ZCCHC7: variants seen among roughly 807,000 people sequenced by gnomAD.
The protein encoded by ZCCHC7 is zinc finger CCHC-type containing 7, also known as zinc finger CCHC domain-containing protein 7.
A neutral mutation model predicts 52.0 loss-of-function variants in ZCCHC7; 35 were observed. That is an observed-to-expected ratio of 0.67 (90% confidence interval 0.51 to 0.89). The LOEUF is 0.89. ZCCHC7 is among the 40% of genes least tolerant of loss of function. The probability of loss-of-function intolerance (pLI) is 0.00; values close to 1 mark genes in which losing one functional copy is unlikely to be tolerated. For missense variants in ZCCHC7, 574 were observed against 649.1 expected (o/e 0.88, Z 1.26); for synonymous variants, 217 against 221.5 (o/e 0.98, Z 0.18).
chr9:37,177,155 C>T (rs1424841364), intron 2 of ZCCHC7, among the ~76,000 whole-genome samples: 7 of 151,968 alleles, frequency 4.6e-5, no homozygotes, highest in Admixed American at 6.6e-5. Flanking sequence ...GCCTGGCCAA[C>T]GCAGTGAAAC....
chr9:37,296,414 T>C (rs1220175584), intron 2 of ZCCHC7, among the ~76,000 whole-genome samples: 1 of 152,234 alleles, frequency 6.6e-6, no homozygotes, highest in Non-Finnish European at 1.5e-5. Context: ...TTTCTACTTT[T>C]CCTTTTTTCT....
intron 2 of ZCCHC7, among the ~76,000 whole-genome samples, chr9:37,238,078 A>G (rs1825733075): frequency 6.6e-6 from 1 of 152,314 alleles, no homozygotes; most frequent in South Asian, 2.1e-4. Context: ...TGATGATCAG[A>G]AAACAGAAAT....
chr9:37,209,929 C>A (rs1327595759), intron 2 of ZCCHC7, among the ~76,000 whole-genome samples: 3 of 152,104 alleles, frequency 2.0e-5, no homozygotes, highest in Non-Finnish European at 2.9e-5. Flanking sequence ...TTGAATCCAC[C>A]AAGGACAGTT....
At chr9:37,132,943 C>G (rs188670455) in intron 2 of ZCCHC7, among the ~76,000 whole-genome samples, 2 of 152,154 alleles carry the variant, frequency 1.3e-5, no homozygotes, top group African/African-American at 4.8e-5. Flanking sequence ...TCGAGACTAG[C>G]CTGACCAACA....
intron 2 of ZCCHC7, among the ~76,000 whole-genome samples, chr9:37,255,016 A>T (rs191838224): frequency 6.6e-6 from 1 of 151,936 alleles, no homozygotes; most frequent in East Asian, 1.9e-4. Flanking sequence ...TTTATACTGT[A>T]GTCTACCCTT....
intron 1 of ZCCHC7, chr9:37,121,461 C>G (rs1588328190): frequency 6.6e-6 from 1 of 152,090 alleles, no homozygotes; most frequent in Non-Finnish European, 1.5e-5. Flanking sequence ...AAGCTCTTGA[C>G]TTTGTGGTTT....
intron 5 of ZCCHC7, among the ~76,000 whole-genome samples, chr9:37,323,865 C>G (rs575308488): frequency 6.6e-6 from 1 of 152,144 alleles, no homozygotes; most frequent in African/African-American, 2.4e-5. Flanking sequence ...CCAGTGATTA[C>G]CAAAGTATCG....
At chr9:37,169,418 C>T (rs553556799) in intron 2 of ZCCHC7, among the ~76,000 whole-genome samples, 4 of 152,150 alleles carry the variant, frequency 2.6e-5, no homozygotes, top group African/African-American at 4.8e-5. Flanking sequence ...AGATGTCATC[C>T]TTGAGATGTT....
At chr9:37,198,076 T>G (rs577588087) in intron 2 of ZCCHC7, among the ~76,000 whole-genome samples, 89 of 152,354 alleles carry the variant, frequency 5.8e-4, no homozygotes, top group African/African-American at 2.1e-3. Context: ...CTTTCAAATC[T>G]GATACCTCTT....
rs1821002462 is a variant in ZCCHC7 at position 37,159,867 on chromosome 9, T to G, written c.610+32925T>G. Among the ~76,000 whole-genome samples the G allele has an allele frequency of 4.6e-5, 7 of 152,204 alleles. No homozygotes were observed. In the South Asian group the frequency reaches 1.2e-3, roughly 27 times the overall value. ...TGAAAAATGGAATAAAGATAAAGAA[T>G]GTAGTGGTTAATCAAGAGTAACCTG... On this transcript the variant is annotated intron_variant, in intron 2 of 8. Coordinates refer to ENST00000336755, the MANE Select transcript of ZCCHC7 (RefSeq NM_032226.3).
intron 2 of ZCCHC7, among the ~76,000 whole-genome samples, chr9:37,288,284 AAAAAAAAAAATCTATCTATCT>A (rs1257536183): frequency 6.6e-6 from 1 of 151,416 alleles, no homozygotes; most frequent in African/African-American, 2.4e-5. Context: ...TGTCTCAAAA[AAAAAAAAAAATCTATCTATCT>A]ATCTATATAG....
chr9:37,310,345 T>G (rs1829532140), intron 5 of ZCCHC7, among the ~76,000 whole-genome samples: 1 of 152,210 alleles, frequency 6.6e-6, no homozygotes, highest in Non-Finnish European at 1.5e-5. Flanking sequence ...CTGTATACCT[T>G]TAGCTTGCAC....
At chr9:37,270,063 G>C (rs1221895835) in intron 2 of ZCCHC7, among the ~76,000 whole-genome samples, 1 of 151,996 alleles carries the variant, frequency 6.6e-6, no homozygotes, top group African/African-American at 2.4e-5. Flanking sequence ...ATAGTCTAAA[G>C]ACTGAAAAAA....
intron 2 of ZCCHC7, among the ~76,000 whole-genome samples, chr9:37,277,164 A>T (rs1236908984): frequency 1.3e-5 from 2 of 152,222 alleles, no homozygotes; most frequent in African/African-American, 4.8e-5. Flanking sequence ...AAAAGATTTT[A>T]ATTATAACAC....
At chr9:37,160,341 C>G (rs948211169) in intron 2 of ZCCHC7, 2 of 152,178 alleles carry the variant, frequency 1.3e-5, no homozygotes, top group African/African-American at 2.4e-5. Context: ...GAGACTTCAT[C>G]TCTACTAAAA....
intron 2 of ZCCHC7, among the ~76,000 whole-genome samples, chr9:37,218,613 A>G (rs1824639426): frequency 6.6e-6 from 1 of 152,204 alleles, no homozygotes; most frequent in Non-Finnish European, 1.5e-5. Flanking sequence ...GTTCGAGACC[A>G]GCTTGGCCAA....
chr9:37,157,691 G>T (rs552224082), intron 2 of ZCCHC7, among the ~76,000 whole-genome samples: 1 of 152,258 alleles, frequency 6.6e-6, no homozygotes, highest in East Asian at 1.9e-4. Context: ...ATGTGAAAAG[G>T]TGCTCAATAT....
At chr9:37,218,136 G>A (rs1295953961) in intron 2 of ZCCHC7, among the ~76,000 whole-genome samples, 1 of 152,062 alleles carries the variant, frequency 6.6e-6, no homozygotes, top group Non-Finnish European at 1.5e-5. Flanking sequence ...CAAGGATCAC[G>A]AGCTATTTAC....
At position 37,287,915 on chromosome 9, in the gene ZCCHC7, C is replaced by T. The variant is rs1033237984; in HGVS notation, c.611-14273C>T. The stretch of plus-strand genomic sequence containing the variant: ...TATATGTATTAGAAATGAAAGTCAA[C>T]ACAGTGTGAGTTTAAATGGTTAAAA... On this transcript the variant is annotated intron_variant, in intron 2 of 8. Transcript: ENST00000336755. Among the ~76,000 whole-genome samples the T allele has an allele frequency of 7.9e-5, 12 of 151,516 alleles. 1 individual carries two copies. Among genetic ancestry groups the T allele is most frequent in the African/African-American group, 2.9e-4 (12 of 41,260 alleles).
Sources: allele counts gnomAD v4.1 joint callset (sites outside exome capture counted in the v4.1 genomes callset), GRCh38; gene constraint gnomAD v4.1.1; transcripts MANE v1.5; gene names NCBI Gene and HGNC (gene_info 2026-07-23, HGNC 2026-07-21).